The following ARVCF variants were observed in gnomAD, a reference collection of about 807,000 sequenced individuals.
ARVCF encodes the protein splicing regulator ARVCF.
A neutral mutation model predicts 90.9 loss-of-function variants in ARVCF; 66 were observed. The observed-to-expected ratio is 0.73, with a 90% CI of 0.60 to 0.89. ARVCF has a LOEUF of 0.89. ARVCF is among the 40% of genes least tolerant of loss of function. The pLI is 0.00. For missense variants in ARVCF, 1,469 were observed against 1,382.3 expected (o/e 1.06, Z -1.00); for synonymous variants, 653 against 603.4 (o/e 1.08, Z -1.21).
chr22:20,006,821 G>A (rs369056089), intron 2 of ARVCF, among the ~76,000 whole-genome samples: 3 of 151,466 alleles, frequency 2.0e-5, no homozygotes, highest in African/African-American at 7.2e-5. Flanking sequence ...TAGTAGAGAC[G>A]GGGTTTCACC....
intron 5 of ARVCF, chr22:19,980,937 G>A (rs1366123265): frequency 4.4e-6 from 2 of 450,556 alleles, no homozygotes; most frequent in East Asian, 7.0e-5. Context: ...CAGGGCTCTG[G>A]GTTCTGGTTA....
downstream of ARVCF, chr22:19,968,491 G>C (rs117222687): frequency 0.056 from 88,629 of 1,583,868 alleles, 2,999 homozygotes; most frequent in Non-Finnish European, 0.068. Context: ...AGGTTCTCTG[G>C]GCACCTCTGA....
chr22:19,965,395 G>A (rs1043626286), downstream of ARVCF: 1 of 152,240 alleles, frequency 6.6e-6, no homozygotes. Flanking sequence ...AGGCTGGAGT[G>A]CAGTGGCACG....
intron 6 of ARVCF, chr22:19,979,324 C>T (rs1041042912): frequency 4.2e-5 from 23 of 552,958 alleles, no homozygotes; most frequent in African/African-American, 3.6e-4. Flanking sequence ...CACCCATTCC[C>T]TGCCATGTGG....
chr22:19,973,325 G>T lies in ARVCF; in HGVS notation c.2240-8C>A. The T allele has an allele frequency of 6.3e-7, 1 of 1,588,634 alleles. No homozygotes were observed. Reference sequence around the variant, plus strand: ...CAGCCATGGCGTAGCTCCCTGAGGGGCAGGACTAGGTGTCAGAACACACCT... The same window carrying T: ...CAGCCATGGCGTAGCTCCCTGAGGGTCAGGACTAGGTGTCAGAACACACCT... On this transcript the variant is annotated splice_region_variant and splice_polypyrimidine_tract_variant and intron_variant, in intron 13 of 19. Transcript: ENST00000263207.
intron 2 of ARVCF, among the ~76,000 whole-genome samples, chr22:20,002,833 T>C (rs1031252258): frequency 1.3e-5 from 2 of 152,212 alleles, no homozygotes; most frequent in African/African-American, 2.4e-5. Flanking sequence ...CCTGCGATTC[T>C]GAATGCATTA....
chr22:19,997,520 A>G (rs1944295851), intron 2 of ARVCF, among the ~76,000 whole-genome samples: 1 of 152,192 alleles, frequency 6.6e-6, no homozygotes, highest in Admixed American at 6.5e-5. Flanking sequence ...TCCCGATTCA[A>G]AACAGCCCCC....
At chr22:19,973,613 C>A in intron 13 of ARVCF, 30 bp downstream of exon 13, 1 of 1,585,384 alleles carries the variant, frequency 6.3e-7, no homozygotes, top group South Asian at 1.1e-5. Flanking sequence ...CAGTTCGGTG[C>A]CCAGGCGTGG....
rs375012817 is a variant in ARVCF at position 19,973,382 on chromosome 22, C to A, written c.2240-65G>T. 1.8e-5 allele frequency: 27 copies of A among 1,505,456 alleles called. No individual in the cohort carries two copies. In the East Asian group the frequency reaches 2.2e-4, roughly 12 times the overall value. 93.3% of individuals were successfully genotyped at this position (1,505,456 alleles called of 1,614,324 possible). On this transcript the variant is annotated intron_variant, in intron 13 of 19. Transcript: ENST00000263207. ...CACCTCTCCAGGAAGGAGCAGGGAT[C>A]CCGCGAGGGCGAGGGGCACTGCCAG...
chr22:19,982,551 C>T (rs1350856902), intron 3 of ARVCF, among the ~76,000 whole-genome samples: 2 of 152,172 alleles, frequency 1.3e-5, no homozygotes, highest in African/African-American at 4.8e-5. Flanking sequence ...CTGGGGCCTC[C>T]TCCCTCACCT....
rs1034490454 is a variant in ARVCF, at chr22:19,973,945, C to T, written c.2089-152G>A. ...CAACGGCACCTCCACCGAGGTTTTC[C>T]CACCGTCCAGGGTGCACGCATTGCC... On this transcript the variant is annotated intron_variant, in intron 12 of 19. Transcript: ENST00000263207. 12 of 1,478,672 alleles carry T rather than the reference C, an allele frequency of 8.1e-6. No individual in the cohort carries two copies. In the South Asian group the frequency reaches 1.6e-4, roughly 19 times the overall value. The allele number at this position is 1,478,672 out of a possible 1,614,324, so 91.6% of individuals were successfully genotyped here.
chr22:20,001,410 C>A (rs1944440793), intron 2 of ARVCF, among the ~76,000 whole-genome samples: 1 of 152,226 alleles, frequency 6.6e-6, no homozygotes, highest in Non-Finnish European at 1.5e-5. Flanking sequence ...GAAGCCGCTT[C>A]CCGCTGAGTC....
Position 19,974,125 on chromosome 22 carries a change from G to T in ARVCF, c.2075C>A (p.Ala692Asp). 1 of 1,611,078 alleles carries T rather than the reference G, an allele frequency of 6.2e-7. No individual in the cohort carries two copies. Among genetic ancestry groups the T allele is most frequent in the Non-Finnish European group, 8.5e-7 (1 of 1,179,074 alleles). ...AAAGALQNLS[A>D]GNWMWATYIR... ...CTGGTCCCTCACCATCCAGTTGCCG[G>T]CACTGAGGTTCTGCAGAGCGCCGGC... The change falls in exon 12 of 20, where the codon GCC becomes GAC. Residue 692 changes from alanine (A) to aspartate (D), a missense_variant. Ala to Asp is a moderately radical substitution (Grantham distance 126). Transcript: ENST00000263207.
At position 19,984,650 on chromosome 22, in the gene ARVCF, G is replaced by A. The variant is rs116598592; in HGVS notation, c.211-2559C>T. On this transcript the variant is annotated intron_variant, in intron 3 of 19. Transcript: ENST00000263207. ...TGTGCAAGTACCCAGCCCGGCACAG[G>A]CCGAGCACATCAACCCGTGTGCTCT... Among the ~76,000 whole-genome samples, 1,521 of 152,296 alleles carry A rather than the reference G, an allele frequency of 1.0e-2. 17 individuals carry two copies. Among genetic ancestry groups the A allele is most frequent in the African/African-American group, 0.035 (1,447 of 41,544 alleles).
At chr22:19,975,651 C>G (rs1297307135) in intron 11 of ARVCF, 35 bp downstream of exon 11, 8 of 1,611,600 alleles carry the variant, frequency 5.0e-6, no homozygotes, top group Non-Finnish European at 6.8e-6. Context: ...CCCAGACATC[C>G]CCCAGTGGAG....
At chr22:20,016,412 G>A (rs929131124) in intron 1 of ARVCF, among the ~76,000 whole-genome samples, 177 bp downstream of exon 1, 9 of 152,182 alleles carry the variant, frequency 5.9e-5, no homozygotes, top group Non-Finnish European at 1.2e-4. Context: ...CGGGTGGGGC[G>A]GAGATTGGCT....
intron 1 of ARVCF, among the ~76,000 whole-genome samples, chr22:20,012,248 C>T (rs967985823): frequency 2.6e-5 from 4 of 152,182 alleles, no homozygotes; most frequent in African/African-American, 9.7e-5. Context: ...GAGGGCTTCC[C>T]CCAGGAGATG....
chr22:19,979,226 C>A, intron 6 of ARVCF, 146 bp from the exon 7 acceptor site: 1 of 872,532 alleles, frequency 1.1e-6, no homozygotes, highest in Non-Finnish European at 1.7e-6. Context: ...TGAGTGGTTC[C>A]GGGGGACACC....
Position 20,016,618 on chromosome 22 carries a change from G to T in ARVCF, c.-102C>A, listed in dbSNP as rs950672560. 21 of 150,846 alleles carry T rather than the reference G, an allele frequency of 1.4e-4. No homozygotes were observed. The highest frequency in any genetic ancestry group is 4.9e-4 in the African/African-American group (20 of 41,062). 9.3% of individuals were successfully genotyped at this position (150,846 alleles called of 1,614,324 possible). A position where few individuals can be genotyped will look rare whatever the true frequency, so the allele number is the denominator to read the frequency against. ...AGCGCAGCGTGGGCGGCCCCGCAGC[G>T]CGGCCTCGGACCCCAGAAGGGCTTC... On this transcript the variant is annotated 5_prime_UTR_variant, in exon 1 of 20. Coordinates refer to ENST00000263207, the MANE Select transcript of ARVCF (RefSeq NM_001670.3).
Sources: gnomAD v4.1 joint callset for allele counts (sites outside exome capture counted in the v4.1 genomes callset) on GRCh38, gnomAD v4.1.1 for gene constraint, MANE v1.5 for transcripts, NCBI Gene and HGNC (gene_info 2026-07-23, HGNC 2026-07-21) for gene names.